The following KLHL1 variants were observed in gnomAD, a reference collection of about 807,000 sequenced individuals.
KLHL1 encodes kelch like family member 1, also known as kelch-like protein 1.
KLHL1 carries 47 observed loss-of-function variants against 77.7 expected under a neutral mutation model. That is an observed-to-expected ratio of 0.60 (90% CI 0.48 to 0.77). The LOEUF is 0.77. Ranked by LOEUF, KLHL1 falls within the 30% of genes least tolerant of loss-of-function variation. KLHL1 has a pLI of 0.00. For missense variants in KLHL1, 925 were observed against 910.8 expected (o/e 1.02, Z -0.20); for synonymous variants, 360 against 325.2 (o/e 1.11, Z -1.15).
At chr13:69,915,971 CAACA>C (rs1239961048) in intron 4 of KLHL1, among the ~76,000 whole-genome samples, 14 of 152,212 alleles carry the variant, frequency 9.2e-5, no homozygotes, top group African/African-American at 3.1e-4. Context: ...TTTATGCAGC[CAACA>C]GACACATGAA....
chr13:69,759,927 T>G (rs1874940231), intron 7 of KLHL1, among the ~76,000 whole-genome samples: 1 of 152,178 alleles, frequency 6.6e-6, no homozygotes. Context: ...TCATTAATTG[T>G]TATTAAACTT....
chr13:70,052,981 G>T (rs1886663789), intron 1 of KLHL1, among the ~76,000 whole-genome samples: 1 of 151,974 alleles, frequency 6.6e-6, no homozygotes, highest in Non-Finnish European at 1.5e-5. Flanking sequence ...GGAAAAAACA[G>T]ATAAGTACAC....
At chr13:69,977,225 C>T (rs928784899) in intron 1 of KLHL1, among the ~76,000 whole-genome samples, 5 of 151,940 alleles carry the variant, frequency 3.3e-5, no homozygotes, top group African/African-American at 1.2e-4. Context: ...AACAGTCTCC[C>T]AGTTGCTACA....
intron 1 of KLHL1, among the ~76,000 whole-genome samples, chr13:70,022,094 G>A (rs1253857020): frequency 2.0e-5 from 3 of 151,858 alleles, no homozygotes; most frequent in Non-Finnish European, 4.4e-5. Flanking sequence ...TTTCTTCTAG[G>A]AGATTTCAAG....
chr13:69,867,189 T>C (rs560217545), intron 5 of KLHL1, among the ~76,000 whole-genome samples: 17 of 152,244 alleles, frequency 1.1e-4, no homozygotes, highest in Non-Finnish European at 5.9e-5. Flanking sequence ...TATCACATAG[T>C]TTTCTTATAT....
At chr13:70,006,484 G>A (rs909931770) in intron 1 of KLHL1, among the ~76,000 whole-genome samples, 6 of 141,592 alleles carry the variant, frequency 4.2e-5, no homozygotes, top group African/African-American at 1.3e-4. Flanking sequence ...CAGTACATTC[G>A]AAAGTATTCC....
At position 69,774,461 on chromosome 13, in the gene KLHL1, A is replaced by G. The variant is rs141479748; in HGVS notation, c.1639+22277T>C. ...ATCTTTAGTACAATTTGGCAAAATA[A>G]TGGAAATGACTTTTGCCATATCCTC... On this transcript the variant is annotated intron_variant, in intron 7 of 10. Coordinates refer to ENST00000377844, the MANE Select transcript of KLHL1 (RefSeq NM_020866.3). Among the ~76,000 whole-genome samples the G allele has an allele frequency of 7.4e-4, 112 of 152,140 alleles. 1 individual carries two copies. The highest frequency in any genetic ancestry group is 2.6e-3 in the African/African-American group (110 of 41,568).
At chr13:69,791,428 C>A (rs576061957) in intron 7 of KLHL1, among the ~76,000 whole-genome samples, 1 of 151,762 alleles carries the variant, frequency 6.6e-6, no homozygotes. Flanking sequence ...AATTGATAAA[C>A]TGATCTTTTT....
At chr13:69,984,665 A>G (rs1884813376) in intron 1 of KLHL1, among the ~76,000 whole-genome samples, 1 of 151,978 alleles carries the variant, frequency 6.6e-6, no homozygotes, top group African/African-American at 2.4e-5. Flanking sequence ...CAGGAGAGAG[A>G]GTTATTTTCT....
At chr13:69,843,289 A>C (rs1410342930) in intron 5 of KLHL1, among the ~76,000 whole-genome samples, 1 of 151,746 alleles carries the variant, frequency 6.6e-6, no homozygotes, top group Non-Finnish European at 1.5e-5. Context: ...ATAGAAAAAA[A>C]ATTAGAAATG....
intron 1 of KLHL1, among the ~76,000 whole-genome samples, chr13:70,071,174 T>C (rs1229648651): frequency 1.3e-5 from 2 of 151,786 alleles, no homozygotes; most frequent in Non-Finnish European, 2.9e-5. Flanking sequence ...AAATGACACA[T>C]AGAGATTAGA....
chr13:69,932,829 C>T (rs1286160519), intron 4 of KLHL1, among the ~76,000 whole-genome samples: 1 of 151,858 alleles, frequency 6.6e-6, no homozygotes, highest in Non-Finnish European at 1.5e-5. Context: ...AACACGAGTA[C>T]AAATTGCCTG....
chr13:69,943,746 A>T (rs1883434921), intron 3 of KLHL1, among the ~76,000 whole-genome samples: 1 of 152,174 alleles, frequency 6.6e-6, no homozygotes, highest in Non-Finnish European at 1.5e-5. Context: ...TGATTATAAC[A>T]CTTTTTTATT....
At chr13:69,733,176 A>T (rs1204130788) in intron 8 of KLHL1, among the ~76,000 whole-genome samples, 1 of 152,102 alleles carries the variant, frequency 6.6e-6, no homozygotes, top group East Asian at 1.9e-4. Context: ...ATATAAACAC[A>T]GTAAAAACAT....
chr13:69,911,793 T>A (rs548736058), intron 4 of KLHL1, among the ~76,000 whole-genome samples: 1 of 152,246 alleles, frequency 6.6e-6, no homozygotes, highest in Admixed American at 6.5e-5. Flanking sequence ...TTCTTTTCTA[T>A]TGTAATCTCT....
At chr13:69,915,032 A>C (rs1180904428) in intron 4 of KLHL1, among the ~76,000 whole-genome samples, 1 of 152,138 alleles carries the variant, frequency 6.6e-6, no homozygotes. Context: ...AGAAGCAGGG[A>C]CTTATGGTAC....
intron 1 of KLHL1, among the ~76,000 whole-genome samples, chr13:70,022,307 G>C (rs1885824242): frequency 6.9e-6 from 1 of 144,010 alleles, no homozygotes; most frequent in South Asian, 2.1e-4. Context: ...GTGTGTGTAT[G>C]TGTTTGGTTG....
intron 2 of KLHL1, among the ~76,000 whole-genome samples, chr13:69,964,195 T>C (rs1172482174): frequency 6.6e-6 from 1 of 152,114 alleles, no homozygotes; most frequent in Non-Finnish European, 1.5e-5. Flanking sequence ...AAGTATATGC[T>C]ACCATGCCTA....
chr13:69,862,455 C>T (rs1880210199), intron 5 of KLHL1, among the ~76,000 whole-genome samples: 1 of 152,064 alleles, frequency 6.6e-6, no homozygotes, highest in African/African-American at 2.4e-5. Context: ...GTGAGAAATA[C>T]TTTCAAAAGC....
Sources: gnomAD v4.1 joint callset for allele counts (sites outside exome capture counted in the v4.1 genomes callset) on GRCh38, gnomAD v4.1.1 for gene constraint, MANE v1.5 for transcripts, NCBI Gene and HGNC (gene_info 2026-07-23, HGNC 2026-07-21) for gene names.